The following CALCR variants were observed in gnomAD, a reference collection of about 807,000 sequenced individuals.
CALCR encodes calcitonin receptor.
In CALCR, 47 loss-of-function variants were observed where a neutral mutation model predicts 59.5. The ratio of observed to expected loss-of-function variants is 0.79; its 90% CI spans 0.63 to 1.01. The LOEUF is 1.01. Among genes scored for constraint, CALCR ranks in the 50% least tolerant of loss-of-function variants. CALCR has a pLI of 0.00. For missense variants in CALCR, 566 were observed against 597.1 expected, an observed-to-expected ratio of 0.95 and a Z score of 0.54; for synonymous variants, 213 against 211.3, an observed-to-expected ratio of 1.01 and a Z score of -0.07.
At chr7:93,530,995 A>G (rs2116132306) in intron 2 of CALCR, among the ~76,000 whole-genome samples, 1 of 152,236 alleles carries the variant, frequency 6.6e-6, no homozygotes, top group East Asian at 1.9e-4. Context: ...TAAGCCTTCC[A>G]GATGATTCCC....
Position 93,554,792 on chromosome 7 carries a change from T to TA in CALCR, c.-27+19496_-27+19497insT, listed in dbSNP as rs60870213. On this transcript the variant is annotated intron_variant, in intron 2 of 13. Coordinates refer to ENST00000426151, the MANE Select transcript of CALCR (RefSeq NM_001742.4). ...ATGTATATATATATATATATATATA[T>TA]TATACGTACATGTCATTTTAGAAAG... Among the ~76,000 whole-genome samples, 21 of 135,884 alleles carry TA rather than the reference T, an allele frequency of 1.5e-4. 1 individual carries two copies. Among genetic ancestry groups the TA allele is most frequent in the African/African-American group, 5.4e-4 (18 of 33,250 alleles). 89.1% of individuals were successfully genotyped at this position (135,884 alleles called of 152,430 possible). A position where few individuals can be genotyped will look rare whatever the true frequency, so the allele number is the denominator to read the frequency against.
intron 6 of CALCR, among the ~76,000 whole-genome samples, chr7:93,471,414 G>A (rs1433674067): frequency 6.6e-6 from 1 of 151,716 alleles, no homozygotes; most frequent in African/African-American, 2.4e-5. Flanking sequence ...GTGATGAGGT[G>A]TCCCTCCTAT....
At chr7:93,509,414 T>C (rs1801497909) in intron 2 of CALCR, among the ~76,000 whole-genome samples, 2 of 152,230 alleles carry the variant, frequency 1.3e-5, no homozygotes, top group Admixed American at 6.5e-5. Flanking sequence ...AGTCAAATGA[T>C]ATAAATAAAC....
chr7:93,489,193 A>G (rs1801018338), intron 2 of CALCR, among the ~76,000 whole-genome samples: 1 of 151,984 alleles, frequency 6.6e-6, no homozygotes, highest in Admixed American at 6.6e-5. Context: ...TCAGGCAGAA[A>G]TCAAGAAGTT....
At chr7:93,432,545 G>T (rs1469427682) in intron 13 of CALCR, among the ~76,000 whole-genome samples, 1 of 152,096 alleles carries the variant, frequency 6.6e-6, no homozygotes, top group East Asian at 1.9e-4. Flanking sequence ...AATGGAAATG[G>T]TTTCTTTACT....
chr7:93,454,936 G>A (rs193188902), intron 8 of CALCR, among the ~76,000 whole-genome samples: 120 of 151,704 alleles, frequency 7.9e-4, no homozygotes, highest in African/African-American at 2.8e-3. Flanking sequence ...GTGTGTGTGT[G>A]TGTGTGTGTG....
intron 2 of CALCR, among the ~76,000 whole-genome samples, chr7:93,551,316 G>A (rs1789450463): frequency 6.6e-6 from 1 of 152,182 alleles, no homozygotes; most frequent in African/African-American, 2.4e-5. Context: ...TATTTCATCA[G>A]GGAGGGTTCT....
At position 93,460,821 on chromosome 7, in the gene CALCR, C is replaced by T. The variant is rs10269878; in HGVS notation, c.648G>A (p.Pro216=). Residue 216 remains proline (P), a splice_region_variant and synonymous_variant, in exon 8 of 14, where the codon CCG becomes CCA. Transcript: ENST00000426151. ...AAAAACAAAACTATGCAGTACTTAC[C>T]GGGTCCCTTCGCACGAGCTCTCCAT... is the stretch of plus-strand genomic sequence containing the variant. The part of the protein sequence containing the change: ...VPNGELVRRD[P]VSCKILHFFH... The T allele has an allele frequency of 9.1e-3, 14,541 of 1,600,908 alleles. 1,181 individuals carry two copies. In the African/African-American group the frequency reaches 0.17, roughly 19 times the overall value.
chr7:93,462,730 C>T (rs1414402663), intron 7 of CALCR, among the ~76,000 whole-genome samples: 1 of 152,032 alleles, frequency 6.6e-6, no homozygotes, highest in Non-Finnish European at 1.5e-5. Context: ...CAATAATCTG[C>T]TGTTGTACAT....
Position 93,434,243 on chromosome 7 carries a change from G to A in CALCR, c.1191+10C>T. On this transcript the variant is annotated intron_variant, in intron 13 of 13. Transcript: ENST00000426151. ...AACAAGTGATAGTATTATATGAAATGCATGCTTACCTCATTGTTGCAGAAG... is the reference window on the plus strand; with the variant it reads ...AACAAGTGATAGTATTATATGAAATACATGCTTACCTCATTGTTGCAGAAG... The A allele has an allele frequency of 3.8e-6, 6 of 1,597,422 alleles. No homozygotes were observed. Among genetic ancestry groups the A allele is most frequent in the Non-Finnish European group, 5.2e-6 (6 of 1,164,976 alleles).
Position 93,477,637 on chromosome 7 carries a change from C to A in CALCR, c.237G>T (p.Trp79Cys). 1.2e-6 allele frequency: 2 copies of A among 1,611,112 alleles called. No individual in the cohort carries two copies. Among genetic ancestry groups the A allele is most frequent in the Non-Finnish European group, 1.7e-6 (2 of 1,178,182 alleles). ...GPYCNRTWDG[W>C]LCWDDTPAGV... ...CAGCCGGTGTGTCATCCCAGCACAG[C>A]CATCCATCCCAGGTGCGATTGCAAT... is the stretch of plus-strand genomic sequence containing the variant. Residue 79 changes from tryptophan to cysteine, a missense_variant, in exon 5 of 14, where the codon TGG (tryptophan) becomes TGT (cysteine). Trp to Cys is a radical substitution (Grantham distance 215, BLOSUM62 -2). Coordinates refer to ENST00000426151, the MANE Select transcript of CALCR (RefSeq NM_001742.4).
chr7:93,541,410 G>T (rs1300881844), intron 2 of CALCR, among the ~76,000 whole-genome samples: 1 of 151,994 alleles, frequency 6.6e-6, no homozygotes, highest in African/African-American at 2.4e-5. Context: ...TGATCCGCCT[G>T]CCTCGGCCTC....
chr7:93,443,331 C>T (rs1229361521), intron 9 of CALCR, among the ~76,000 whole-genome samples: 1 of 152,084 alleles, frequency 6.6e-6, no homozygotes, highest in East Asian at 1.9e-4. Flanking sequence ...CATTTTGTGT[C>T]CATCATTAGC....
At chr7:93,526,789 A>G (rs992520601) in intron 2 of CALCR, among the ~76,000 whole-genome samples, 3 of 152,118 alleles carry the variant, frequency 2.0e-5, no homozygotes, top group African/African-American at 7.2e-5. Context: ...TTAGAAGCTT[A>G]TTCAACAACA....
In CALCR at chr7:93,425,210, A is replaced by C. The variant is rs1014020127; in HGVS notation, c.*1146T>G. Reference sequence around the variant, plus strand: ...AGAAACGTTAAACATGAATTGATTTATGGTTAAATTTGGAGCAGTTAATTT... The same window carrying C: ...AGAAACGTTAAACATGAATTGATTTCTGGTTAAATTTGGAGCAGTTAATTT... On this transcript the variant is annotated 3_prime_UTR_variant, in exon 14 of 14. Coordinates refer to ENST00000426151, the MANE Select transcript of CALCR (RefSeq NM_001742.4). The C allele has an allele frequency of 1.3e-5, 2 of 152,660 alleles. No individual in the cohort carries two copies. The highest frequency in any genetic ancestry group is 4.8e-5 in the African/African-American group (2 of 41,468). 9.5% of individuals were successfully genotyped at this position (152,660 alleles called of 1,614,324 possible). A position where few individuals can be genotyped will look rare whatever the true frequency, so the allele number is the denominator to read the frequency against.
At chr7:93,440,479 A>G (rs902511211) in intron 9 of CALCR, among the ~76,000 whole-genome samples, 1 of 151,900 alleles carries the variant, frequency 6.6e-6, no homozygotes, top group African/African-American at 2.4e-5. Context: ...TTGTTCTCAG[A>G]GTTCAGATTT....
At chr7:93,504,592 T>C (rs1458754781) in intron 2 of CALCR, among the ~76,000 whole-genome samples, 1 of 152,182 alleles carries the variant, frequency 6.6e-6, no homozygotes, top group Non-Finnish European at 1.5e-5. Context: ...CCATAAGTTT[T>C]TAAGACCTAA....
intron 2 of CALCR, among the ~76,000 whole-genome samples, chr7:93,504,886 T>C (rs1801394234): frequency 6.6e-6 from 1 of 152,162 alleles, no homozygotes; most frequent in Non-Finnish European, 1.5e-5. Context: ...ACAAGACTTA[T>C]GCAAGAATCT....
chr7:93,492,341 A>T (rs1425255569), intron 2 of CALCR, among the ~76,000 whole-genome samples: 1 of 151,330 alleles, frequency 6.6e-6, no homozygotes, highest in Non-Finnish European at 1.5e-5. Flanking sequence ...GCACTCACAT[A>T]TTTTAAAAAA....
Sources: gnomAD v4.1 joint callset for allele counts (sites outside exome capture counted in the v4.1 genomes callset) on GRCh38, gnomAD v4.1.1 for gene constraint, MANE v1.5 for transcripts, NCBI Gene and HGNC (gene_info 2026-07-23, HGNC 2026-07-21) for gene names.